The following ANKRD30B variants were observed in gnomAD, a reference collection of about 807,000 sequenced individuals.
ANKRD30B encodes the protein ankyrin repeat domain-containing protein 30B.
Under a neutral mutation model 202.2 loss-of-function variants are expected in ANKRD30B, and 144 were observed. The ratio of observed to expected loss-of-function variants is 0.71; its 90% confidence interval spans 0.62 to 0.82. The LOEUF (loss-of-function observed/expected upper bound fraction) is 0.82. Among genes scored for constraint, ANKRD30B ranks in the 40% least tolerant of loss-of-function variants. ANKRD30B has a pLI of 0.00. For synonymous variants in ANKRD30B, 508 were observed against 561.3 expected, an observed-to-expected ratio of 0.91 and a Z score of 1.34; for missense variants, 1,487 against 1,669.1, an observed-to-expected ratio of 0.89 and a Z score of 1.90.
chr18:14,939,547 C>A, the ANKRD30B span, among the ~76,000 whole-genome samples: 1 of 152,190 alleles, frequency 6.6e-6, no homozygotes, highest in Non-Finnish European at 1.5e-5. Context: ...GAATACACCC[C>A]TAGCCCTAAT....
At chr18:14,760,691 C>A in intron 6 of ANKRD30B, 73 bp downstream of exon 6, 1 of 1,131,368 alleles carries the variant, frequency 8.8e-7, no homozygotes, top group East Asian at 2.7e-5. Flanking sequence ...CACAAAAAAG[C>A]AATTCAAAAA....
the ANKRD30B span, among the ~76,000 whole-genome samples, chr18:14,920,591 G>A: frequency 6.6e-6 from 1 of 152,184 alleles, no homozygotes; most frequent in Non-Finnish European, 1.5e-5. Context: ...CAAAGTCTGG[G>A]TGTCCCTGGA....
At chr18:14,765,855 T>G (rs1916046020) in intron 7 of ANKRD30B, among the ~76,000 whole-genome samples, 2 of 152,218 alleles carry the variant, frequency 1.3e-5, no homozygotes, top group African/African-American at 4.8e-5. Flanking sequence ...GATTTAAACC[T>G]GTATGTCTTT....
chr18:14,905,214 C>T, the ANKRD30B span, among the ~76,000 whole-genome samples: 1 of 152,200 alleles, frequency 6.6e-6, no homozygotes, highest in Non-Finnish European at 1.5e-5. Context: ...CAAACAGCAG[C>T]CCTTGAAGCT....
chr18:14,897,724 G>C, the ANKRD30B span, among the ~76,000 whole-genome samples: 1 of 152,118 alleles, frequency 6.6e-6, no homozygotes, highest in East Asian at 1.9e-4. Context: ...TCCCATCTCT[G>C]TGCCTATAGG....
the ANKRD30B span, among the ~76,000 whole-genome samples, chr18:14,912,212 G>A: frequency 2.8e-4 from 42 of 152,168 alleles, no homozygotes; most frequent in African/African-American, 8.7e-4. Context: ...TAGAGGAAAC[G>A]CTTTCAACTA....
At chr18:14,860,839 G>T in the ANKRD30B span, among the ~76,000 whole-genome samples, 1 of 151,942 alleles carries the variant, frequency 6.6e-6, no homozygotes, top group Admixed American at 6.6e-5. Flanking sequence ...CCAGTAGCTG[G>T]GATTGCAGGT....
downstream of ANKRD30B, among the ~76,000 whole-genome samples, chr18:14,856,247 A>G (rs1019832408): frequency 1.5e-5 from 2 of 130,722 alleles, no homozygotes; most frequent in Non-Finnish European, 3.3e-5. Flanking sequence ...AGCCAGAGAA[A>G]GGTGCTCCTC....
chr18:14,817,757 T>C (rs1336121065), intron 30 of ANKRD30B, among the ~76,000 whole-genome samples: 1 of 152,200 alleles, frequency 6.6e-6, no homozygotes, highest in African/African-American at 2.4e-5. Flanking sequence ...TTCTGAGGTT[T>C]CTTCAGTGCT....
At chr18:14,883,345 C>G in the ANKRD30B span, among the ~76,000 whole-genome samples, 1 of 143,790 alleles carries the variant, frequency 7.0e-6, no homozygotes, top group African/African-American at 2.6e-5. Flanking sequence ...GTCTCTCTCT[C>G]TCTTTCTCTC....
At chr18:14,863,053 C>T in the ANKRD30B span, among the ~76,000 whole-genome samples, 25 of 152,150 alleles carry the variant, frequency 1.6e-4, no homozygotes, top group Admixed American at 2.6e-4. Context: ...GATGGAGGAA[C>T]GTACCTTGAA....
chr18:14,882,308 T>C, the ANKRD30B span, among the ~76,000 whole-genome samples: 1 of 152,222 alleles, frequency 6.6e-6, no homozygotes, highest in Non-Finnish European at 1.5e-5. Flanking sequence ...TGATAGGTTG[T>C]GTCATCCAGT....
the ANKRD30B span, among the ~76,000 whole-genome samples, chr18:14,887,715 T>C: frequency 6.6e-6 from 1 of 152,052 alleles, no homozygotes; most frequent in Non-Finnish European, 1.5e-5. Context: ...ATGAAACAGA[T>C]ACAGCTTATT....
At chr18:14,786,381 G>A (rs545533437) in intron 14 of ANKRD30B, among the ~76,000 whole-genome samples, 5 of 152,266 alleles carry the variant, frequency 3.3e-5, no homozygotes, top group Admixed American at 3.3e-4. Flanking sequence ...GGTGTCACAA[G>A]CTGACTCTGA....
rs1912778777 is a variant in ANKRD30B at position 14,748,179 on chromosome 18, T to C, written c.-241T>C. 2.5e-6 allele frequency: 1 copy of C among 398,870 alleles called. No individual in the cohort carries two copies. 24.7% of individuals were successfully genotyped at this position (398,870 alleles called of 1,614,324 possible). A position where few individuals can be genotyped will look rare whatever the true frequency, so the allele number is the denominator to read the frequency against. On this transcript the variant is annotated 5_prime_UTR_variant, in exon 1 of 44. Coordinates refer to ENST00000690538, the MANE Select transcript of ANKRD30B (RefSeq NM_001367607.2). ...TGCGCGTGAGCTGCTGCTGTAACGC[T>C]CTAACGTTAGAGCAGCTAACGGCTC...
chr18:14,891,066 TATTA>T, the ANKRD30B span, among the ~76,000 whole-genome samples: 1 of 152,132 alleles, frequency 6.6e-6, no homozygotes, highest in Non-Finnish European at 1.5e-5. Flanking sequence ...TGCAATTTGC[TATTA>T]ATTACATTTT....
At chr18:14,749,934 G>A (rs1171331127) in intron 1 of ANKRD30B, among the ~76,000 whole-genome samples, 1 of 151,540 alleles carries the variant, frequency 6.6e-6, no homozygotes, top group East Asian at 1.9e-4. Context: ...AGATTTTTAT[G>A]GCACAAAATA....
chr18:14,779,586 A>T (rs1967591857), intron 10 of ANKRD30B, among the ~76,000 whole-genome samples: 1 of 152,226 alleles, frequency 6.6e-6, no homozygotes, highest in African/African-American at 2.4e-5. Context: ...AATCAAACTA[A>T]GTAATACTAA....
At chr18:14,915,724 G>GT in the ANKRD30B span, 2 of 152,072 alleles carry the variant, frequency 1.3e-5, no homozygotes, top group African/African-American at 2.4e-5. Flanking sequence ...AATAAATGCT[G>GT]TTTTTTATCT....
Sources: gnomAD v4.1 joint callset for allele counts (sites outside exome capture counted in the v4.1 genomes callset) on GRCh38, gnomAD v4.1.1 for gene constraint, MANE v1.5 for transcripts, NCBI Gene and HGNC (gene_info 2026-07-23, HGNC 2026-07-21) for gene names.